Variants in LRRC4C observed in about 807,000 individuals in gnomAD.
The protein encoded by LRRC4C is leucine-rich repeat-containing protein 4C.
A neutral mutation model predicts 33.6 loss-of-function variants in LRRC4C; 5 were observed. The observed-to-expected ratio is 0.15, with a 90% CI of 0.08 to 0.31. The LOEUF is 0.31. Among genes scored for constraint, LRRC4C ranks in the 10% least tolerant of loss-of-function variants. The pLI, the probability that LRRC4C is intolerant of heterozygous loss-of-function variation, is 1.00. For synonymous variants in LRRC4C, 329 were observed against 302.0 expected, an observed-to-expected ratio of 1.09 and a Z score of -0.93; for missense variants, 560 against 796.7, an observed-to-expected ratio of 0.70 and a Z score of 3.58.
intron 3 of LRRC4C, among the ~76,000 whole-genome samples, chr11:40,343,887 C>A (rs1220005347): frequency 1.3e-5 from 2 of 151,920 alleles, no homozygotes. Context: ...TGCACACAAG[C>A]TAGAAAACCT....
At chr11:41,232,727 TTACA>T (rs1385063076) in intron 1 of LRRC4C, among the ~76,000 whole-genome samples, 2 of 148,356 alleles carry the variant, frequency 1.3e-5, no homozygotes, top group Non-Finnish European at 3.0e-5. Context: ...TCAAATAATA[TTACA>T]TACATGTGTT....
chr11:40,125,684 A>T (rs1487704420), intron 6 of LRRC4C, among the ~76,000 whole-genome samples: 2 of 152,150 alleles, frequency 1.3e-5, no homozygotes, highest in South Asian at 2.1e-4. Context: ...GCAACATGAT[A>T]TCCTTATAAG....
intron 3 of LRRC4C, among the ~76,000 whole-genome samples, chr11:40,373,377 A>G (rs1846180406): frequency 6.6e-6 from 1 of 152,172 alleles, no homozygotes; most frequent in Non-Finnish European, 1.5e-5. Context: ...AGTGAGTAAA[A>G]ATCAAGTGGT....
intron 3 of LRRC4C, among the ~76,000 whole-genome samples, chr11:40,433,743 T>C (rs112218906): frequency 1.4e-4 from 22 of 152,282 alleles, no homozygotes; most frequent in African/African-American, 5.1e-4. Context: ...AGGATATATG[T>C]GTAAAAGGAA....
At chr11:40,736,058 G>T (rs935056719) in intron 2 of LRRC4C, among the ~76,000 whole-genome samples, 1 of 151,854 alleles carries the variant, frequency 6.6e-6, no homozygotes, top group Non-Finnish European at 1.5e-5. Flanking sequence ...TACATGTGCA[G>T]AAAGTGCAGG....
At chr11:41,035,403 C>T (rs1857004234) in intron 1 of LRRC4C, among the ~76,000 whole-genome samples, 1 of 151,946 alleles carries the variant, frequency 6.6e-6, no homozygotes, top group African/African-American at 2.4e-5. Flanking sequence ...TCAACAGGCC[C>T]CAATGTGTGT....
chr11:40,379,444 A>G (rs1948781045), intron 3 of LRRC4C, among the ~76,000 whole-genome samples: 1 of 152,170 alleles, frequency 6.6e-6, no homozygotes, highest in South Asian at 2.1e-4. Flanking sequence ...TCAAACTGAA[A>G]TTAGTTTTTG....
intron 3 of LRRC4C, among the ~76,000 whole-genome samples, chr11:40,435,640 C>T (rs1951110968): frequency 6.6e-6 from 1 of 152,122 alleles, no homozygotes; most frequent in South Asian, 2.1e-4. Flanking sequence ...AAGGCACAGG[C>T]TCTGACATAA....
At chr11:40,182,223 C>A (rs140756193) in intron 5 of LRRC4C, among the ~76,000 whole-genome samples, 1 of 152,204 alleles carries the variant, frequency 6.6e-6, no homozygotes, top group Non-Finnish European at 1.5e-5. Flanking sequence ...TTAATTTTAT[C>A]CTTATAACAC....
chr11:40,638,827 T>C (rs974765757), intron 3 of LRRC4C, among the ~76,000 whole-genome samples: 4 of 151,302 alleles, frequency 2.6e-5, no homozygotes, highest in African/African-American at 7.3e-5. Context: ...TCAAAAGTAG[T>C]TTAGCATCAT....
chr11:40,638,364 G>A (rs1224246260), intron 3 of LRRC4C, among the ~76,000 whole-genome samples: 2 of 152,118 alleles, frequency 1.3e-5, no homozygotes, highest in Admixed American at 1.3e-4. Context: ...CACATGCTAA[G>A]CAATGCATGT....
At chr11:40,656,353 C>T (rs1402400000) in intron 2 of LRRC4C, among the ~76,000 whole-genome samples, 2 of 151,616 alleles carry the variant, frequency 1.3e-5, no homozygotes, top group South Asian at 4.2e-4. Flanking sequence ...AAATATATGG[C>T]CATATATACT....
chr11:40,545,879 A>G (rs1231819413), intron 3 of LRRC4C, among the ~76,000 whole-genome samples: 2 of 152,030 alleles, frequency 1.3e-5, no homozygotes, highest in Admixed American at 1.3e-4. Context: ...TAAAAAATAG[A>G]GCAACTTGTC....
chr11:40,516,691 C>A (rs1955573773), intron 3 of LRRC4C, among the ~76,000 whole-genome samples: 2 of 152,086 alleles, frequency 1.3e-5, no homozygotes, highest in Admixed American at 6.6e-5. Flanking sequence ...GATAAGGACA[C>A]AAGCATCTCT....
At chr11:40,401,379 C>A (rs1949753107) in intron 3 of LRRC4C, among the ~76,000 whole-genome samples, 1 of 151,968 alleles carries the variant, frequency 6.6e-6, no homozygotes, top group South Asian at 2.1e-4. Context: ...TGTCATCCTG[C>A]GTTTACTCTG....
chr11:40,568,040 G>A (rs1240564943), intron 3 of LRRC4C, among the ~76,000 whole-genome samples: 1 of 152,154 alleles, frequency 6.6e-6, no homozygotes, highest in Non-Finnish European at 1.5e-5. Context: ...CTTTGCTTTT[G>A]TAAAATCCCC....
At chr11:40,628,230 C>CA (rs1202084475) in intron 3 of LRRC4C, among the ~76,000 whole-genome samples, 3 of 152,194 alleles carry the variant, frequency 2.0e-5, no homozygotes, top group African/African-American at 7.2e-5. Flanking sequence ...GTAATCCCAG[C>CA]ACTTTGGGAG....
At chr11:41,230,917 A>AAAC (rs1555117478) in intron 1 of LRRC4C, among the ~76,000 whole-genome samples, 7 of 150,584 alleles carry the variant, frequency 4.6e-5, no homozygotes, top group Non-Finnish European at 1.0e-4. Flanking sequence ...AAAAAAAAAA[A>AAAC]AAAAAACCAA....
intron 3 of LRRC4C, among the ~76,000 whole-genome samples, chr11:40,384,531 A>G (rs1353720538): frequency 6.6e-6 from 1 of 152,218 alleles, no homozygotes; most frequent in Non-Finnish European, 1.5e-5. Flanking sequence ...ACCAGGATTC[A>G]AACTTCTAGT....
Sources: gnomAD v4.1 joint callset for allele counts (sites outside exome capture counted in the v4.1 genomes callset) on GRCh38, gnomAD v4.1.1 for gene constraint, MANE v1.5 for transcripts, NCBI Gene and HGNC (gene_info 2026-07-23, HGNC 2026-07-21) for gene names.